Variants in SCARA5 observed in about 807,000 individuals in gnomAD.
SCARA5 encodes the protein scavenger receptor class A member 5.
A neutral mutation model predicts 46.3 loss-of-function variants in SCARA5; 45 were observed. The ratio of observed to expected loss-of-function variants is 0.97; its 90% CI spans 0.76 to 1.24. SCARA5 has a LOEUF of 1.24. Ranked by LOEUF, SCARA5 falls within the 50% of genes most tolerant of loss-of-function variation. SCARA5 has a pLI of 0.00. For missense variants in SCARA5, 680 were observed against 689.0 expected, an observed-to-expected ratio of 0.99 and a Z score of 0.15; for synonymous variants, 333 against 306.5, an observed-to-expected ratio of 1.09 and a Z score of -0.90.
At chr8:27,890,388 C>T (rs1806962520) in intron 7 of SCARA5, among the ~76,000 whole-genome samples, 1 of 152,226 alleles carries the variant, frequency 6.6e-6, no homozygotes, top group African/African-American at 2.4e-5. Flanking sequence ...GGTGGCACTG[C>T]TCTCCATCTG....
intron 3 of SCARA5, among the ~76,000 whole-genome samples, chr8:27,927,039 C>T (rs898679875): frequency 6.6e-6 from 1 of 152,176 alleles, no homozygotes; most frequent in African/African-American, 2.4e-5. Flanking sequence ...AACAGGGCAA[C>T]CTCCCAGACT....
At chr8:27,981,070 A>AT (rs1183682766) in intron 2 of SCARA5, among the ~76,000 whole-genome samples, 2 of 152,020 alleles carry the variant, frequency 1.3e-5, no homozygotes, top group African/African-American at 4.8e-5. Context: ...AGGGAAATAA[A>AT]TGTGGATCGA....
At chr8:27,974,801 C>T (rs1046421835) in intron 2 of SCARA5, among the ~76,000 whole-genome samples, 1 of 152,050 alleles carries the variant, frequency 6.6e-6, no homozygotes, top group African/African-American at 2.4e-5. Flanking sequence ...AGCCACCCAC[C>T]TGAGTCCTGC....
At chr8:27,908,109 A>C (rs1807298513) in intron 5 of SCARA5, among the ~76,000 whole-genome samples, 1 of 142,828 alleles carries the variant, frequency 7.0e-6, no homozygotes, top group Non-Finnish European at 1.5e-5. Flanking sequence ...GTCGGTCAGC[A>C]TCGCTTCATG....
intron 2 of SCARA5, among the ~76,000 whole-genome samples, chr8:27,984,665 C>T (rs1374891558): frequency 6.7e-6 from 1 of 149,778 alleles, no homozygotes; most frequent in East Asian, 1.9e-4. Context: ...TTCATCCATC[C>T]ATTCACCCAT....
At chr8:27,968,257 C>T (rs11779320) in intron 2 of SCARA5, among the ~76,000 whole-genome samples, 24,925 of 152,202 alleles carry the variant, frequency 0.16, 2,406 homozygotes, top group East Asian at 0.42. Flanking sequence ...ATTACAAATA[C>T]TGCTGTTAAA....
At chr8:27,908,006 C>T (rs1040693186) in intron 5 of SCARA5, among the ~76,000 whole-genome samples, 3 of 152,176 alleles carry the variant, frequency 2.0e-5, no homozygotes, top group Admixed American at 6.5e-5. Context: ...ATGAGCCAAT[C>T]GGAGCTCAGA....
At chr8:27,991,875 AT>A (rs1214960908) in intron 1 of SCARA5, among the ~76,000 whole-genome samples, 4 of 136,204 alleles carry the variant, frequency 2.9e-5, no homozygotes, top group Admixed American at 8.4e-5. Context: ...ACACACACAC[AT>A]GCACACACAC....
chr8:27,891,199 G>T (rs201031645), intron 7 of SCARA5, among the ~76,000 whole-genome samples: 890 of 43,384 alleles, frequency 0.021, 19 homozygotes, highest in East Asian at 0.17. Flanking sequence ...CAATAGGTTT[G>T]TTTTTTTTTT....
intron 7 of SCARA5, chr8:27,903,271 G>T (rs2726983): frequency 0.53 from 81,302 of 152,008 alleles, 22,496 homozygotes; most frequent in Non-Finnish European, 0.62. Context: ...CCATTCAGCT[G>T]TAGTTTACAT....
chr8:27,895,791 C>T (rs147517889), intron 7 of SCARA5, among the ~76,000 whole-genome samples: 1 of 152,210 alleles, frequency 6.6e-6, no homozygotes. Flanking sequence ...CCCTGAGGAT[C>T]GTACTGGACT....
intron 4 of SCARA5, among the ~76,000 whole-genome samples, chr8:27,917,696 T>C (rs1471458252): frequency 6.6e-6 from 1 of 152,206 alleles, no homozygotes; most frequent in Non-Finnish European, 1.5e-5. Context: ...GGATTCGTGG[T>C]CTTGAATGTC....
At chr8:27,917,257 G>A (rs78171654) in intron 4 of SCARA5, among the ~76,000 whole-genome samples, 2,442 of 152,310 alleles carry the variant, frequency 0.016, 98 homozygotes, top group East Asian at 0.13. Context: ...ACAGAACTGA[G>A]TGTAAAACTT....
In SCARA5 at chr8:27,922,121, C is replaced by G; in HGVS notation, c.366G>C (p.Thr122=). 6.2e-7 allele frequency: 1 copy of G among 1,606,330 alleles called. No homozygotes were observed. Among genetic ancestry groups the G allele is most frequent in the South Asian group, 1.1e-5 (1 of 89,620 alleles). The stretch of plus-strand genomic sequence containing the variant: ...CGTCCTGCACCTTCCACACCTGCTC[C>G]GTCAGGTCCGCTTGCAGCGGAGCCT... The part of the protein sequence containing the change: ...LLQAPLQADL[T]EQVWKVQDAL... Residue 122 remains threonine (T), a synonymous_variant, in exon 4 of 9, where the codon ACG becomes ACC. Coordinates refer to ENST00000354914, the MANE Select transcript of SCARA5 (RefSeq NM_173833.6).
intron 5 of SCARA5, 66 bp from the exon 6 acceptor site, chr8:27,907,312 C>T (rs1033559009): frequency 1.7e-5 from 21 of 1,214,550 alleles, no homozygotes; most frequent in African/African-American, 1.1e-4. Flanking sequence ...CAGAGGTCAT[C>T]GTCGGGTTCA....
At chr8:27,882,410 A>G (rs1047741083) in intron 7 of SCARA5, among the ~76,000 whole-genome samples, 3 of 152,206 alleles carry the variant, frequency 2.0e-5, no homozygotes, top group African/African-American at 7.2e-5. Context: ...GTAAATATCA[A>G]GGAGTGTGAT....
chr8:27,919,577 T>C (rs1807548950), intron 4 of SCARA5, among the ~76,000 whole-genome samples: 1 of 151,972 alleles, frequency 6.6e-6, no homozygotes, highest in African/African-American at 2.4e-5. Context: ...GACATTGCAG[T>C]CTCTACTCCT....
At chr8:27,952,144 G>T (rs1034891278) in intron 3 of SCARA5, among the ~76,000 whole-genome samples, 1 of 151,912 alleles carries the variant, frequency 6.6e-6, no homozygotes, top group Non-Finnish European at 1.5e-5. Context: ...CGATGGGAGC[G>T]CAGATTTTAG....
intron 3 of SCARA5, among the ~76,000 whole-genome samples, chr8:27,948,741 C>G (rs180753507): frequency 6.6e-6 from 1 of 152,174 alleles, no homozygotes; most frequent in East Asian, 1.9e-4. Context: ...GAGGAAAAAA[C>G]GATTCCAGCC....
Sources: gnomAD v4.1 joint callset for allele counts (sites outside exome capture counted in the v4.1 genomes callset) on GRCh38, gnomAD v4.1.1 for gene constraint, MANE v1.5 for transcripts, NCBI Gene and HGNC (gene_info 2026-07-23, HGNC 2026-07-21) for gene names.